The following RABGAP1L variants were observed in gnomAD, a reference collection of about 807,000 sequenced individuals.
The protein encoded by RABGAP1L is RAB GTPase activating protein 1 like.
A neutral mutation model predicts 137.7 loss-of-function variants in RABGAP1L; 63 were observed. That is an observed-to-expected ratio of 0.46 (90% confidence interval 0.37 to 0.56). The LOEUF is 0.56. RABGAP1L is among the 20% of genes least tolerant of loss of function. The pLI is 0.00. For missense variants in RABGAP1L, 1,095 were observed against 1,244.0 expected, an observed-to-expected ratio of 0.88 and a Z score of 1.80; for synonymous variants, 431 against 433.7, an observed-to-expected ratio of 0.99 and a Z score of 0.08.
At chr1:174,327,970 T>TACAC (rs1288411915) in intron 11 of RABGAP1L, among the ~76,000 whole-genome samples, 245 of 15,226 alleles carry the variant, frequency 0.016, 11 homozygotes, top group African/African-American at 0.09. Flanking sequence ...TATATATATA[T>TACAC]ATATATATAC....
rs370154129 is a variant in RABGAP1L, at chr1:174,619,988, C to G, written c.1711-17387C>G. ...AACAAAAAAAGGTACGGGTTGCAAT[C>G]CTAGTCTCTGATAAAACAGACTTTA... On this transcript the variant is annotated intron_variant, in intron 13 of 25. Coordinates refer to ENST00000681986, the MANE Select transcript of RABGAP1L (RefSeq NM_001366446.1). Among the ~76,000 whole-genome samples, 57 of 152,218 alleles carry G rather than the reference C, an allele frequency of 3.7e-4. No homozygotes were observed. The East Asian group carries it at 0.01, about 28-fold the overall frequency.
intron 11 of RABGAP1L, among the ~76,000 whole-genome samples, chr1:174,349,425 C>T (rs1682827453): frequency 7.3e-6 from 1 of 137,828 alleles, no homozygotes; most frequent in Admixed American, 7.0e-5. Flanking sequence ...CCCCACCTCC[C>T]TCCCGGACGA....
rs141153460 is a variant in RABGAP1L, at chr1:174,808,629, T to G, written c.2212-3203T>G. Reference sequence around the variant, plus strand: ...CATTCTCAAATACTTGTTTTTTTGGTGTGTGTGTGTGTTGGTTTTTCTTTC... The same window carrying G: ...CATTCTCAAATACTTGTTTTTTTGGGGTGTGTGTGTGTTGGTTTTTCTTTC... On this transcript the variant is annotated intron_variant, in intron 18 of 25. Coordinates refer to ENST00000681986, the MANE Select transcript of RABGAP1L (RefSeq NM_001366446.1). Among the ~76,000 whole-genome samples the G allele has an allele frequency of 7.2e-4, 109 of 151,726 alleles. 1 individual carries two copies. The highest frequency in any genetic ancestry group is 2.4e-3 in the African/African-American group (101 of 41,408).
intron 13 of RABGAP1L, among the ~76,000 whole-genome samples, chr1:174,421,842 C>T (rs1651346162): frequency 6.6e-6 from 1 of 152,186 alleles, no homozygotes; most frequent in South Asian, 2.1e-4. Context: ...GATCTCGGCT[C>T]ACTGCAAACT....
intron 13 of RABGAP1L, among the ~76,000 whole-genome samples, chr1:174,557,506 C>T (rs1666952955): frequency 6.6e-6 from 1 of 152,186 alleles, no homozygotes. Flanking sequence ...TGTGGCTCCA[C>T]CATAACCTTG....
chr1:174,624,706 G>T (rs1672811180), intron 13 of RABGAP1L, among the ~76,000 whole-genome samples: 1 of 152,066 alleles, frequency 6.6e-6, no homozygotes, highest in East Asian at 1.9e-4. Flanking sequence ...ATGGAAAATG[G>T]TAAGAGAAGT....
chr1:174,621,646 C>G (rs1672482349), intron 13 of RABGAP1L, among the ~76,000 whole-genome samples: 1 of 152,050 alleles, frequency 6.6e-6, no homozygotes, highest in East Asian at 1.9e-4. Context: ...AACTGGCTAG[C>G]CATATGTAGA....
intron 13 of RABGAP1L, among the ~76,000 whole-genome samples, chr1:174,443,707 T>A (rs1159349064): frequency 2.0e-5 from 3 of 152,126 alleles, no homozygotes; most frequent in African/African-American, 7.2e-5. Flanking sequence ...TTGTCTATTT[T>A]TGTTTTGTTG....
At chr1:174,546,204 C>G (rs1438997742) in intron 13 of RABGAP1L, among the ~76,000 whole-genome samples, 1 of 152,052 alleles carries the variant, frequency 6.6e-6, no homozygotes, top group African/African-American at 2.4e-5. Context: ...AAAGTAGAAA[C>G]TGGAAAAATT....
chr1:174,719,039 A>G (rs1195608280), intron 17 of RABGAP1L, among the ~76,000 whole-genome samples: 2 of 151,766 alleles, frequency 1.3e-5, no homozygotes, highest in African/African-American at 4.8e-5. Flanking sequence ...GGGTTTCTCC[A>G]TGTTGGTCAG....
intron 11 of RABGAP1L, among the ~76,000 whole-genome samples, chr1:174,342,994 C>G (rs1682112052): frequency 6.6e-6 from 1 of 152,216 alleles, no homozygotes; most frequent in Non-Finnish European, 1.5e-5. Flanking sequence ...CTGCCTTGGC[C>G]TCCCAAAGTG....
chr1:174,677,673 T>C (rs1171977108), intron 14 of RABGAP1L, among the ~76,000 whole-genome samples: 2 of 152,216 alleles, frequency 1.3e-5, no homozygotes, highest in African/African-American at 4.8e-5. Flanking sequence ...CTCTATTGGG[T>C]TGACAGAGAG....
chr1:174,300,449 C>T (rs573434172), intron 10 of RABGAP1L, among the ~76,000 whole-genome samples: 6 of 139,702 alleles, frequency 4.3e-5, no homozygotes, highest in Admixed American at 7.5e-5. Context: ...CCCTTGAACT[C>T]GGTGGTGGGG....
intron 7 of RABGAP1L, among the ~76,000 whole-genome samples, chr1:174,268,273 C>T (rs1214876066): frequency 1.3e-5 from 2 of 150,822 alleles, no homozygotes; most frequent in Non-Finnish European, 2.9e-5. Flanking sequence ...AATCTCGGCT[C>T]ACTGTAAGCT....
At chr1:174,223,556 CAA>C (rs1669938584) in intron 3 of RABGAP1L, among the ~76,000 whole-genome samples, 1 of 148,396 alleles carries the variant, frequency 6.7e-6, no homozygotes, top group Admixed American at 6.7e-5. Context: ...AAGGAAGAAA[CAA>C]AAATTTATGT....
intron 17 of RABGAP1L, among the ~76,000 whole-genome samples, chr1:174,707,516 A>C (rs550367006): frequency 6.6e-6 from 1 of 152,336 alleles, no homozygotes; most frequent in South Asian, 2.1e-4. Context: ...TGGACTTTTT[A>C]GTCAACCTTT....
chr1:174,613,722 A>T (rs1194452988), intron 13 of RABGAP1L, among the ~76,000 whole-genome samples: 2 of 152,104 alleles, frequency 1.3e-5, no homozygotes, highest in Admixed American at 6.6e-5. Flanking sequence ...CAGGACTTGC[A>T]TTATGAATCT....
chr1:174,160,104 C>T (rs1664312003), intron 1 of RABGAP1L: 2 of 152,386 alleles, frequency 1.3e-5, no homozygotes, highest in African/African-American at 4.8e-5. Flanking sequence ...TGTACTCGAC[C>T]ATTTCTCTCC....
rs1165693145 is a variant in RABGAP1L at position 174,925,881 on chromosome 1, T to TG, written c.2341-31576_2341-31575insG. Among the ~76,000 whole-genome samples, 210 of 143,600 alleles carry TG rather than the reference T, an allele frequency of 1.5e-3. 2 individuals carry two copies. Among genetic ancestry groups the TG allele is most frequent in the Middle Eastern group, 3.5e-3 (1 of 284 alleles). 94.2% of individuals were successfully genotyped at this position (143,600 alleles called of 152,430 possible). A position where few individuals can be genotyped will look rare whatever the true frequency, so the allele number is the denominator to read the frequency against. On this transcript the variant is annotated intron_variant, in intron 19 of 25. Transcript: ENST00000681986. ...TTGGTTTTTTTTTTGTTTTTGTTTT[T>TG]TTTTTGTGTTTTTTTTTTTTTTTTT...
Sources: allele counts gnomAD v4.1 joint callset (sites outside exome capture counted in the v4.1 genomes callset), GRCh38; gene constraint gnomAD v4.1.1; transcripts MANE v1.5; gene names NCBI Gene and HGNC (gene_info 2026-07-23, HGNC 2026-07-21).